DPP6: variants seen among roughly 807,000 people sequenced by gnomAD.
DPP6 encodes dipeptidyl peptidase like 6.
Under a neutral mutation model 122.6 loss-of-function variants are expected in DPP6, and 69 were observed. That is an observed-to-expected ratio of 0.56 (90% CI 0.46 to 0.69). DPP6 has a LOEUF of 0.69. Ranked by LOEUF, DPP6 falls within the 30% of genes least tolerant of loss-of-function variation. DPP6 has a pLI of 0.00. For missense variants in DPP6, 928 were observed against 1,116.9 expected (o/e 0.83, Z 2.41); for synonymous variants, 418 against 433.1 (o/e 0.97, Z 0.43).
chr7:154,192,610 G>C (rs1474341237), intron 1 of DPP6, among the ~76,000 whole-genome samples: 2 of 152,228 alleles, frequency 1.3e-5, no homozygotes, highest in Non-Finnish European at 2.9e-5. Context: ...ACTTACTTTT[G>C]CCCAGAAGGC....
intron 1 of DPP6, among the ~76,000 whole-genome samples, chr7:154,270,735 A>AG (rs1054640694): frequency 6.6e-6 from 1 of 152,138 alleles, no homozygotes; most frequent in Non-Finnish European, 1.5e-5. Flanking sequence ...CCTGCAGAAC[A>AG]GGGGATGACT....
intron 1 of DPP6, among the ~76,000 whole-genome samples, chr7:153,902,251 C>A (rs565805797): frequency 6.6e-6 from 1 of 152,284 alleles, no homozygotes; most frequent in South Asian, 2.1e-4. Flanking sequence ...GAGGATTTGA[C>A]AGCATCATTT....
chr7:154,203,727 T>C (rs6975380), intron 1 of DPP6, among the ~76,000 whole-genome samples: 3,845 of 152,258 alleles, frequency 0.025, 168 homozygotes, highest in African/African-American at 0.087. Context: ...GGCCTCTCTC[T>C]TCTGATCTGT....
chr7:154,185,225 A>T (rs532388638), intron 1 of DPP6, among the ~76,000 whole-genome samples: 1 of 152,354 alleles, frequency 6.6e-6, no homozygotes, highest in African/African-American at 2.4e-5. Flanking sequence ...TAATGAGAAG[A>T]TCAGCACCAA....
At chr7:154,730,835 T>G (rs1842304180) in intron 8 of DPP6, among the ~76,000 whole-genome samples, 1 of 152,236 alleles carries the variant, frequency 6.6e-6, no homozygotes. Context: ...TAAAATATCT[T>G]TTTTAGTATC....
At chr7:154,387,502 G>A (rs1186178032) in intron 1 of DPP6, among the ~76,000 whole-genome samples, 2 of 152,212 alleles carry the variant, frequency 1.3e-5, no homozygotes, top group African/African-American at 4.8e-5. Flanking sequence ...CCAGCAGGTG[G>A]GTGGGCCCAG....
rs540743086 is a variant in DPP6 at position 154,732,278 on chromosome 7, G to A, written c.883+4391G>A. On this transcript the variant is annotated intron_variant, in intron 8 of 25. Transcript: ENST00000377770. ...AGCCAGGATGGTCTCAGTCATCTTC[G>A]TTATCATCATATGCATGAGCTATAG... is the stretch of plus-strand genomic sequence containing the variant. Among the ~76,000 whole-genome samples the A allele has an allele frequency of 9.2e-5, 14 of 151,856 alleles. No individual in the cohort carries two copies. In the East Asian group the frequency reaches 1.9e-3, roughly 21 times the overall value.
Position 154,727,766 on chromosome 7 carries a change from G to C in DPP6, c.763-1G>C. On this transcript the variant is annotated splice_acceptor_variant, in intron 7 of 25. Coordinates refer to ENST00000377770, the MANE Select transcript of DPP6 (RefSeq NM_130797.4). LOFTEE classifies it high-confidence loss of function. ...TATGCTTTTTTCTCTTTCCAAATTA[G>C]ATATTTATTTTTGAAAACAATATCT... is the stretch of plus-strand genomic sequence containing the variant. 1 of 1,608,628 alleles carries C rather than the reference G, an allele frequency of 6.2e-7. No homozygotes were observed. Among genetic ancestry groups the C allele is most frequent in the Non-Finnish European group, 8.5e-7 (1 of 1,176,982 alleles).
chr7:154,516,057 A>G (rs1333778882), intron 3 of DPP6, among the ~76,000 whole-genome samples: 5 of 152,188 alleles, frequency 3.3e-5, no homozygotes, highest in Admixed American at 6.5e-5. Flanking sequence ...TCTTTTTCCT[A>G]CAAATAATCA....
intron 8 of DPP6, among the ~76,000 whole-genome samples, chr7:154,735,725 A>G (rs900147867): frequency 6.6e-6 from 1 of 152,366 alleles, no homozygotes; most frequent in African/African-American, 2.4e-5. Flanking sequence ...GAGATGGCCT[A>G]AGAGTTCCAT....
At chr7:154,261,095 C>T (rs956629028) in intron 1 of DPP6, among the ~76,000 whole-genome samples, 1 of 152,126 alleles carries the variant, frequency 6.6e-6, no homozygotes. Context: ...AGGGTTTCAC[C>T]GTATTGGCCA....
chr7:154,203,870 G>A (rs1364516418), intron 1 of DPP6, among the ~76,000 whole-genome samples: 1 of 152,130 alleles, frequency 6.6e-6, no homozygotes, highest in Non-Finnish European at 1.5e-5. Flanking sequence ...TTTCTTATAA[G>A]AAGATAGAGG....
the DPP6 span, among the ~76,000 whole-genome samples, chr7:153,787,398 C>A: frequency 6.8e-6 from 1 of 147,432 alleles, no homozygotes; most frequent in Admixed American, 6.8e-5. Flanking sequence ...AGATGCTGTT[C>A]TTTGTACCTG....
At position 154,610,707 on chromosome 7, in the gene DPP6, CTGTGTGTGTG is replaced by C. The variant is rs10525265; in HGVS notation, c.628-27085_628-27076del. 6.8e-3 allele frequency among the ~76,000 whole-genome samples: 830 copies of C among 122,078 alleles called. 7 individuals carry two copies. Among genetic ancestry groups the C allele is most frequent in the African/African-American group, 0.022 (798 of 36,100 alleles). The allele number at this position is 122,078 out of a possible 152,430, so 80.1% of individuals were successfully genotyped here. A position where few individuals can be genotyped will look rare whatever the true frequency, so the allele number is the denominator to read the frequency against. ...TTATTATTTGTGTCTGTGTTGTTCT[CTGTGTGTGTG>C]TGTGTGTGTGTGTGTGTGTGTGTGT... On this transcript the variant is annotated intron_variant, in intron 5 of 25. Coordinates refer to ENST00000377770, the MANE Select transcript of DPP6 (RefSeq NM_130797.4).
the DPP6 span, among the ~76,000 whole-genome samples, chr7:153,788,851 G>T: frequency 6.6e-6 from 1 of 151,996 alleles, no homozygotes; most frequent in Non-Finnish European, 1.5e-5. Context: ...TGTAATTCCA[G>T]CTAGTCGGGA....
intron 5 of DPP6, among the ~76,000 whole-genome samples, chr7:154,597,431 G>A (rs1041537838): frequency 6.6e-6 from 1 of 151,846 alleles, no homozygotes; most frequent in Non-Finnish European, 1.5e-5. Context: ...GTGAAACCCC[G>A]TCTCTACTAA....
chr7:154,743,700 A>G (rs1434822498), intron 8 of DPP6, among the ~76,000 whole-genome samples: 3 of 151,946 alleles, frequency 2.0e-5, no homozygotes, highest in Non-Finnish European at 4.4e-5. Flanking sequence ...CCCCTGCATT[A>G]CCAAAATTCA....
At chr7:154,350,112 A>T (rs1810724235) in intron 1 of DPP6, among the ~76,000 whole-genome samples, 1 of 152,170 alleles carries the variant, frequency 6.6e-6, no homozygotes. Flanking sequence ...GGCTGTGGGG[A>T]TGGAGATGAG....
chr7:154,404,044 C>A (rs546822480), intron 1 of DPP6, among the ~76,000 whole-genome samples: 84 of 152,270 alleles, frequency 5.5e-4, no homozygotes, highest in Non-Finnish European at 1.1e-3. Context: ...CAAACACACC[C>A]CAGAGATTAG....
Sources: gnomAD v4.1 joint callset for allele counts (sites outside exome capture counted in the v4.1 genomes callset) on GRCh38, gnomAD v4.1.1 for gene constraint, MANE v1.5 for transcripts, NCBI Gene and HGNC (gene_info 2026-07-23, HGNC 2026-07-21) for gene names.